The following BCAS3 variants were observed in gnomAD, a reference collection of about 807,000 sequenced individuals.
BCAS3 encodes BCAS4/BCAS3 fusion.
In BCAS3, 53 loss-of-function variants were observed where a neutral mutation model predicts 116.1. The ratio of observed to expected loss-of-function variants is 0.46; its 90% CI spans 0.37 to 0.57. BCAS3 has a LOEUF of 0.57. Among genes scored for constraint, BCAS3 ranks in the 20% least tolerant of loss-of-function variants. The pLI, the probability that BCAS3 is intolerant of heterozygous loss-of-function variation, is 0.00. For synonymous variants in BCAS3, 391 were observed against 408.2 expected (o/e 0.96, Z 0.51); for missense variants, 917 against 1,165.4 (o/e 0.79, Z 3.10).
rs375315611 is a variant in BCAS3 at position 60,896,508 on chromosome 17, G to A, written c.739-6112G>A. Among the ~76,000 whole-genome samples the A allele has an allele frequency of 1.1e-4, 17 of 151,934 alleles. No homozygotes were observed. In the East Asian group the frequency reaches 2.9e-3, roughly 26 times the overall value. ...GAATCTGTGTGCTCCAGTGTTGAGT[G>A]CATATATATTTAGAACTGTTATATC... On this transcript the variant is annotated intron_variant, in intron 10 of 23. Coordinates refer to ENST00000407086, the MANE Select transcript of BCAS3 (RefSeq NM_017679.5).
intron 22 of BCAS3, among the ~76,000 whole-genome samples, chr17:61,166,381 C>G (rs1380507742): frequency 5.5e-5 from 4 of 72,294 alleles, no homozygotes; most frequent in African/African-American, 1.2e-4. Flanking sequence ...GTTACTCTCT[C>G]TCTCTCTCTC....
chr17:60,753,748 G>A (rs926593698), intron 6 of BCAS3, among the ~76,000 whole-genome samples: 2 of 152,082 alleles, frequency 1.3e-5, no homozygotes, highest in Admixed American at 6.5e-5. Flanking sequence ...ATTGTTGATG[G>A]TCAGGAAGTA....
At chr17:60,688,106 G>A (rs1281211678) in intron 3 of BCAS3, 1 of 152,140 alleles carries the variant, frequency 6.6e-6, no homozygotes, top group Non-Finnish European at 1.5e-5. Context: ...GGAAAGGAAA[G>A]CCTGATACAG....
At position 61,380,936 on chromosome 17, in the gene BCAS3, C is replaced by A. The variant is rs2059576555; in HGVS notation, c.2594-11041C>A. 6.6e-6 allele frequency among the ~76,000 whole-genome samples: 1 copy of A among 152,216 alleles called. No individual in the cohort carries two copies. The highest frequency in any genetic ancestry group is 1.5e-5 in the Non-Finnish European group (1 of 68,030). On this transcript the variant is annotated intron_variant, in intron 23 of 23. Transcript: ENST00000407086. The surrounding 1 kb of genome is among the most constrained non-coding windows in gnomAD (Gnocchi z 4.2). Reference sequence around the variant, plus strand: ...GTGAGTAATTTGATTTGTACCTATTCATTTGCAGTCCCTGCAGGAGCCTGG... The same window carrying A: ...GTGAGTAATTTGATTTGTACCTATTAATTTGCAGTCCCTGCAGGAGCCTGG...
chr17:61,048,434 G>A (rs959147847), intron 19 of BCAS3, among the ~76,000 whole-genome samples: 4 of 152,030 alleles, frequency 2.6e-5, no homozygotes, highest in Non-Finnish European at 4.4e-5. Flanking sequence ...CTGTGTTACA[G>A]TAAGGGAGAA....
intron 6 of BCAS3, among the ~76,000 whole-genome samples, chr17:60,754,375 C>T (rs12941690): frequency 0.73 from 109,915 of 151,432 alleles, 45,559 homozygotes; most frequent in South Asian, 0.98. Flanking sequence ...TGGCTAATTA[C>T]GGAGTCTTGC....
chr17:61,012,595 C>A lies in BCAS3; in HGVS notation c.1487-3156C>A, dbSNP rs2065182961. Among the ~76,000 whole-genome samples, 1 of 152,152 alleles carries A rather than the reference C, an allele frequency of 6.6e-6. No individual in the cohort carries two copies. Among genetic ancestry groups the A allele is most frequent in the East Asian group, 1.9e-4 (1 of 5,182 alleles). ...TAGCCATATCCATTAATATGTAAGA[C>A]AGACACCACCCCTACGAACATAAAC... On this transcript the variant is annotated intron_variant, in intron 15 of 23. Transcript: ENST00000407086. This position sits in a 1 kb window ranked among gnomAD's most constrained non-coding sequence, Gnocchi z 4.5.
chr17:60,872,105 T>C (rs2055158345), intron 8 of BCAS3, among the ~76,000 whole-genome samples: 1 of 152,034 alleles, frequency 6.6e-6, no homozygotes, highest in African/African-American at 2.4e-5. Flanking sequence ...GGTATGTATT[T>C]TTCCATTTTT....
At chr17:60,766,511 C>G (rs1425924740) in intron 6 of BCAS3, among the ~76,000 whole-genome samples, 1 of 152,154 alleles carries the variant, frequency 6.6e-6, no homozygotes, top group Non-Finnish European at 1.5e-5. Context: ...TGCCTGGGTA[C>G]CACCAGCAGC....
Position 61,037,909 on chromosome 17 carries a change from G to C in BCAS3, c.1783G>C (p.Val595Leu), listed in dbSNP as rs953969668. The change falls in exon 18 of 24, where the codon GTT becomes CTT. Residue 595 changes from valine to leucine, a missense_variant. Val to Leu is a conservative substitution (Grantham distance 32). This residue lies in a region of BCAS3 where 807 missense variants were observed against 1,026.0 expected (regional missense o/e 0.79). Transcript: ENST00000407086. The surrounding 1 kb of genome is among the most constrained non-coding windows in gnomAD (Gnocchi z 4.7). ...REKDQSKQVV[V>L]ESLYIISCYG... is the part of the protein sequence containing the mutation. The stretch of plus-strand genomic sequence containing the variant: ...TGTAGATCAGTCCAAACAAGTTGTA[G>C]TTGAGTCCCTGTACATTATCAGTTG... The C allele has an allele frequency of 6.2e-7, 1 of 1,614,024 alleles. No individual in the cohort carries two copies. The highest frequency in any genetic ancestry group is 8.5e-7 in the Non-Finnish European group (1 of 1,179,958).
At position 61,029,407 on chromosome 17, in the gene BCAS3, G is replaced by GT. The variant is rs1467544230; in HGVS notation, c.1638-5258dup. ...ATTTTAGTCACTTTGGACTTCCCTG[G>GT]TATTATGTGTCATCTAGGTTAGTTT... On this transcript the variant is annotated intron_variant, in intron 16 of 23. Coordinates refer to ENST00000407086, the MANE Select transcript of BCAS3 (RefSeq NM_017679.5). The surrounding 1 kb of genome is among the most constrained non-coding windows in gnomAD (Gnocchi z 5.2). Among the ~76,000 whole-genome samples the GT allele has an allele frequency of 1.3e-5, 2 of 151,988 alleles. No homozygotes were observed. Among genetic ancestry groups the GT allele is most frequent in the African/African-American group, 4.8e-5 (2 of 41,510 alleles).
chr17:61,090,470 A>G (rs1279802596), intron 22 of BCAS3, among the ~76,000 whole-genome samples: 1 of 152,224 alleles, frequency 6.6e-6, no homozygotes, highest in Non-Finnish European at 1.5e-5. Context: ...ATTGGCTTTT[A>G]TATTAGAAAT....
chr17:61,173,359 G>C (rs995199004), intron 22 of BCAS3, among the ~76,000 whole-genome samples: 9 of 150,852 alleles, frequency 6.0e-5, no homozygotes, highest in Admixed American at 1.3e-4. Context: ...TGAGGCATGA[G>C]AATCATTTGA....
chr17:60,948,876 C>CT (rs773939823), intron 14 of BCAS3, among the ~76,000 whole-genome samples: 256 of 144,082 alleles, frequency 1.8e-3, no homozygotes, highest in Middle Eastern at 3.6e-3. Flanking sequence ...TTGAAATATT[C>CT]TTTTTTTTTT....
At chr17:60,792,528 C>T (rs1267701243) in intron 6 of BCAS3, among the ~76,000 whole-genome samples, 2 of 152,216 alleles carry the variant, frequency 1.3e-5, no homozygotes, top group East Asian at 3.8e-4. Context: ...GTGCTACTGG[C>T]CACAGAGGTT....
Position 61,368,500 on chromosome 17 carries a change from G to C in BCAS3, c.2593+6G>C, listed in dbSNP as rs547080567. The C allele has an allele frequency of 1.3e-6, 2 of 1,593,956 alleles. No homozygotes were observed. Among genetic ancestry groups the C allele is most frequent in the African/African-American group, 2.7e-5 (2 of 74,744 alleles). ...CGTCGTGGGATCCGGAACAGGTAAA[G>C]GTGTCATCAGACTTCTAGCCTGATT... On this transcript the variant is annotated splice_donor_region_variant and intron_variant, in intron 23 of 23. Coordinates refer to ENST00000407086, the MANE Select transcript of BCAS3 (RefSeq NM_017679.5). The surrounding 1 kb of genome is among the most constrained non-coding windows in gnomAD (Gnocchi z 6.0).
chr17:61,143,044 A>AT (rs1203224654), intron 22 of BCAS3, among the ~76,000 whole-genome samples: 2 of 152,048 alleles, frequency 1.3e-5, no homozygotes, highest in Non-Finnish European at 2.9e-5. Flanking sequence ...AAAGAACTCA[A>AT]TTTTTTCAGT....
At chr17:60,859,336 C>G (rs1285268940) in intron 7 of BCAS3, among the ~76,000 whole-genome samples, 1 of 152,072 alleles carries the variant, frequency 6.6e-6, no homozygotes, top group Non-Finnish European at 1.5e-5. Context: ...TTGATCCTCA[C>G]TCTACTTCCA....
At chr17:61,114,907 A>C (rs945785703) in intron 22 of BCAS3, among the ~76,000 whole-genome samples, 2 of 152,106 alleles carry the variant, frequency 1.3e-5, no homozygotes, top group Non-Finnish European at 2.9e-5. Flanking sequence ...GATCAATGGA[A>C]CAGAACAGAG....
Sources: gnomAD v4.1 joint callset for allele counts (sites outside exome capture counted in the v4.1 genomes callset) on GRCh38, gnomAD v4.1.1 for gene constraint, gnomAD v4.1.1 regional missense constraint, Gnocchi (gnomAD v3.1) non-coding constraint, MANE v1.5 for transcripts, NCBI Gene and HGNC (gene_info 2026-07-23, HGNC 2026-07-21) for gene names.